IBTK: variants seen among roughly 807,000 people sequenced by gnomAD.
IBTK encodes inhibitor of Bruton tyrosine kinase.
IBTK carries 83 observed loss-of-function variants against 154.9 expected under a neutral mutation model. That is an observed-to-expected ratio of 0.54 (90% CI 0.45 to 0.64). The LOEUF (loss-of-function observed/expected upper bound fraction) is 0.64. Ranked by LOEUF, IBTK falls within the 30% of genes least tolerant of loss-of-function variation. The probability of loss-of-function intolerance (pLI) is 0.00; values close to 1 mark genes in which losing one functional copy is unlikely to be tolerated. For missense variants in IBTK, 1,332 were observed against 1,584.6 expected, an observed-to-expected ratio of 0.84 and a Z score of 2.71; for synonymous variants, 515 against 536.1, an observed-to-expected ratio of 0.96 and a Z score of 0.54.
chr6:82,246,836 T>C (rs1334915685), intron 1 of IBTK, among the ~76,000 whole-genome samples: 1 of 152,204 alleles, frequency 6.6e-6, no homozygotes, highest in East Asian at 1.9e-4. Flanking sequence ...AAAAGTCATA[T>C]CCTTTCAGTA....
chr6:82,244,741 A>C (rs1331465482), intron 1 of IBTK, among the ~76,000 whole-genome samples: 1 of 152,202 alleles, frequency 6.6e-6, no homozygotes, highest in African/African-American at 2.4e-5. Context: ...GAAGGGGAAG[A>C]AAGCAAAGGA....
At chr6:82,186,575 G>T (rs376126086) in intron 25 of IBTK, among the ~76,000 whole-genome samples, 1 of 152,036 alleles carries the variant, frequency 6.6e-6, no homozygotes, top group African/African-American at 2.4e-5. Flanking sequence ...GCTTTATTGC[G>T]ATGTTTGCTT....
intron 3 of IBTK, among the ~76,000 whole-genome samples, chr6:82,233,195 C>T (rs1207443745): frequency 6.6e-6 from 1 of 150,636 alleles, no homozygotes; most frequent in Non-Finnish European, 1.5e-5. Context: ...GGCATGGTGG[C>T]ATGGGTCTAT....
chr6:82,247,730 A>C lies in IBTK; in HGVS notation c.-526T>G. The C allele has an allele frequency of 2.5e-6, 1 of 397,518 alleles. No homozygotes were observed. The highest frequency in any genetic ancestry group is 4.4e-6 in the Non-Finnish European group (1 of 225,566). 24.6% of individuals were successfully genotyped at this position (397,518 alleles called of 1,614,324 possible). ...CTGCAATACAGCCGCTACTACAGGA[A>C]TCGGGAACGGGGATGTAGAGGAAGG... On this transcript the variant is annotated 5_prime_UTR_variant, in exon 1 of 29. Coordinates refer to ENST00000306270, the MANE Select transcript of IBTK (RefSeq NM_015525.4).
At chr6:82,243,664 A>C (rs1338696927) in intron 1 of IBTK, among the ~76,000 whole-genome samples, 1 of 152,196 alleles carries the variant, frequency 6.6e-6, no homozygotes, top group African/African-American at 2.4e-5. Flanking sequence ...GGGGTTTTAG[A>C]ATGTGTCCTT....
chr6:82,217,907 A>T (rs965353827), intron 10 of IBTK, 53 bp downstream of exon 10: 23 of 1,237,712 alleles, frequency 1.9e-5, no homozygotes, highest in Non-Finnish European at 2.4e-5. Flanking sequence ...TACTTGTCAA[A>T]TTAAAGGATA....
At chr6:82,180,064 T>C (rs1768262317) in intron 26 of IBTK, among the ~76,000 whole-genome samples, 1 of 5,126 alleles carries the variant, frequency 2.0e-4, no homozygotes, top group Admixed American at 1.9e-3. Flanking sequence ...ACTGCAACTC[T>C]AGTACTTAGC....
chr6:82,173,479 TAATATTA>T, intron 26 of IBTK, 41 bp from the exon 27 acceptor site: 1 of 1,529,996 alleles, frequency 6.5e-7, no homozygotes, highest in South Asian at 1.1e-5. Context: ...AAGCTTCTAG[TAATATTA>T]GTCAAACTGC....
At chr6:82,180,771 T>C (rs573900433) in intron 26 of IBTK, among the ~76,000 whole-genome samples, 2 of 152,258 alleles carry the variant, frequency 1.3e-5, no homozygotes, top group Middle Eastern at 3.4e-3. Flanking sequence ...TTTCCAAACA[T>C]TGTTGTCAGA....
chr6:82,171,856 T>C (rs1325277853), intron 28 of IBTK, among the ~76,000 whole-genome samples: 8 of 152,238 alleles, frequency 5.3e-5, no homozygotes, highest in African/African-American at 1.9e-4. Flanking sequence ...AGCTTTATTC[T>C]GTGAGATACT....
chr6:82,225,067 A>G (rs1420098510), intron 6 of IBTK, among the ~76,000 whole-genome samples: 1 of 151,880 alleles, frequency 6.6e-6, no homozygotes, highest in East Asian at 1.9e-4. Flanking sequence ...TGGGAGGCCG[A>G]GGTGGGCAGA....
intron 26 of IBTK, among the ~76,000 whole-genome samples, chr6:82,178,819 G>A (rs958814362): frequency 3.9e-5 from 6 of 152,286 alleles, no homozygotes; most frequent in South Asian, 4.1e-4. Flanking sequence ...AGTCAGAGTC[G>A]TCAGTCTGTC....
chr6:82,227,339 G>A, intron 4 of IBTK, 37 bp from the exon 5 acceptor site: 1 of 1,184,572 alleles, frequency 8.4e-7, no homozygotes, highest in Non-Finnish European at 1.2e-6. Context: ...AAACTTCTCT[G>A]AATAAAATAT....
At chr6:82,185,164 CAG>C (rs1357932636) in intron 25 of IBTK, among the ~76,000 whole-genome samples, 6 of 115,604 alleles carry the variant, frequency 5.2e-5, no homozygotes, top group South Asian at 2.8e-4. Context: ...GCCTGGGCGA[CAG>C]AGCAAAACTC....
chr6:82,226,324 G>C (rs1405497624), intron 5 of IBTK, among the ~76,000 whole-genome samples: 1 of 152,130 alleles, frequency 6.6e-6, no homozygotes, highest in Non-Finnish European at 1.5e-5. Flanking sequence ...TATCATTATA[G>C]CTTTCCCTCT....
chr6:82,239,039 A>G (rs990049385), intron 2 of IBTK, among the ~76,000 whole-genome samples: 8 of 152,002 alleles, frequency 5.3e-5, no homozygotes, highest in Non-Finnish European at 1.2e-4. Context: ...ACCTGGCCTC[A>G]TCAGTTTCTT....
chr6:82,230,021 C>A (rs922835600), intron 4 of IBTK, among the ~76,000 whole-genome samples: 10 of 152,024 alleles, frequency 6.6e-5, no homozygotes, highest in African/African-American at 2.4e-4. Flanking sequence ...ATTTATCATG[C>A]AAACATTTTT....
At chr6:82,200,519 G>T in intron 20 of IBTK, 68 bp downstream of exon 20, 1 of 1,314,342 alleles carries the variant, frequency 7.6e-7, no homozygotes, top group Non-Finnish European at 1.0e-6. Context: ...AGATGAGAGT[G>T]AAGGGACACA....
At chr6:82,225,209 C>A (rs1211375783) in intron 6 of IBTK, among the ~76,000 whole-genome samples, 2 of 151,694 alleles carry the variant, frequency 1.3e-5, no homozygotes, top group Non-Finnish European at 2.9e-5. Flanking sequence ...ACTCAGAAGG[C>A]TGAGGCAAGA....
Sources: allele counts gnomAD v4.1 joint callset (sites outside exome capture counted in the v4.1 genomes callset), GRCh38; gene constraint gnomAD v4.1.1; transcripts MANE v1.5; gene names NCBI Gene and HGNC (gene_info 2026-07-23, HGNC 2026-07-21).